Variants in NEK3 observed in about 807,000 individuals in gnomAD.
NEK3 encodes the protein NIMA related kinase 3.
Under a neutral mutation model 66.0 loss-of-function variants are expected in NEK3, and 54 were observed. The observed-to-expected ratio is 0.82, with a 90% CI of 0.66 to 1.03. NEK3 has a LOEUF of 1.03. Ranked by LOEUF, NEK3 falls within the 50% of genes least tolerant of loss-of-function variation. NEK3 has a pLI of 0.00. For synonymous variants in NEK3, 200 were observed against 206.2 expected, an observed-to-expected ratio of 0.97 and a Z score of 0.26; for missense variants, 593 against 603.0, an observed-to-expected ratio of 0.98 and a Z score of 0.17.
chr13:52,133,923 T>C (rs1202646334), intron 14 of NEK3, 108 bp from the exon 15 acceptor site: 1 of 1,127,178 alleles, frequency 8.9e-7, no homozygotes, highest in East Asian at 2.6e-5. Context: ...CAATGCCATG[T>C]CCCATAACTC....
intron 5 of NEK3, among the ~76,000 whole-genome samples, chr13:52,152,234 A>G (rs1956353322): frequency 6.6e-6 from 1 of 152,228 alleles, no homozygotes; most frequent in African/African-American, 2.4e-5. Flanking sequence ...TGGTGACTAT[A>G]GTTAATAATA....
chr13:52,151,253 C>T (rs555990479), intron 6 of NEK3, 21 bp from the exon 7 acceptor site: 62 of 1,599,656 alleles, frequency 3.9e-5, no homozygotes, highest in East Asian at 6.7e-5. Context: ...AAAAAGGCAA[C>T]GAATGATTAC....
At chr13:52,146,950 G>C (rs1956300002) in intron 8 of NEK3, among the ~76,000 whole-genome samples, 1 of 152,114 alleles carries the variant, frequency 6.6e-6, no homozygotes, top group Admixed American at 6.5e-5. Flanking sequence ...TGTGCCCAAA[G>C]AACAGAATTT....
chr13:52,140,884 AGG>A, intron 11 of NEK3, 134 bp downstream of exon 11: 1 of 563,100 alleles, frequency 1.8e-6, no homozygotes, highest in Non-Finnish European at 3.0e-6. Context: ...GGCGCAATCT[AGG>A]CTCACTGCAA....
At chr13:52,141,625 A>G (rs1956250814) in intron 10 of NEK3, among the ~76,000 whole-genome samples, 1 of 152,196 alleles carries the variant, frequency 6.6e-6, no homozygotes, top group Admixed American at 6.5e-5. Context: ...ATGATGATGC[A>G]CTGAGAATAC....
intron 4 of NEK3, 89 bp downstream of exon 4, chr13:52,153,806 A>AT (rs1399537680): frequency 1.2e-6 from 1 of 850,290 alleles, no homozygotes; most frequent in African/African-American, 1.7e-5. Flanking sequence ...GTAATTACAG[A>AT]TATCAATGCT....
intron 15 of NEK3, 129 bp downstream of exon 15, chr13:52,133,560 A>G: frequency 1.6e-6 from 2 of 1,240,540 alleles, no homozygotes; most frequent in South Asian, 1.6e-5. Context: ...ATTTATGATG[A>G]AAAGTAATAT....
At chr13:52,135,916 T>A (rs1405768635) in intron 13 of NEK3, 53 bp from the exon 14 acceptor site, 1 of 1,578,200 alleles carries the variant, frequency 6.3e-7, no homozygotes, top group Non-Finnish European at 8.6e-7. Context: ...TTTTTCAGCA[T>A]GTACTTTCCA....
intron 10 of NEK3, 119 bp downstream of exon 10, chr13:52,143,796 T>G (rs1018515892): frequency 1.6e-6 from 1 of 623,358 alleles, no homozygotes; most frequent in Non-Finnish European, 2.8e-6. Flanking sequence ...AAGAAAAGGT[T>G]CATTTGAGGA....
intron 4 of NEK3, among the ~76,000 whole-genome samples, chr13:52,153,345 C>T (rs200502702): frequency 6.6e-6 from 1 of 152,040 alleles, no homozygotes; most frequent in East Asian, 1.9e-4. Context: ...TCATAACATG[C>T]TATAACCTAG....
rs573295625 is a variant in NEK3, at chr13:52,144,731, C to A, written c.764G>T (p.Gly255Val). 1.4e-5 allele frequency: 22 copies of A among 1,613,854 alleles called. No homozygotes were observed. The highest frequency in any genetic ancestry group is 6.7e-5 in the East Asian group (3 of 44,852). Residue 255 changes from glycine (G) to valine (V), a missense_variant, in exon 9 of 16, where the codon GGC becomes GTC. Physicochemically the swap from Gly to Val is moderately radical, Grantham distance 109. Transcript: ENST00000610828. ...CTTCTGGACAAGCCGAGCTACGATG[C>A]CTCGAGAGAGAAGCGTTGTAGCCGA... The part of the protein sequence containing the change: ...RPSATTLLSR[G>V]IVARLVQKCL...
intron 9 of NEK3, among the ~76,000 whole-genome samples, 155 bp downstream of exon 9, chr13:52,144,536 G>A (rs1313281215): frequency 2.0e-5 from 3 of 152,234 alleles, no homozygotes; most frequent in Non-Finnish European, 4.4e-5. Flanking sequence ...TGGGCGGGAA[G>A]AGGAAGGAAA....
chr13:52,152,806 A>T, intron 4 of NEK3, 114 bp from the exon 5 acceptor site: 1 of 611,922 alleles, frequency 1.6e-6, no homozygotes, highest in Non-Finnish European at 2.9e-6. Flanking sequence ...ACGTAATGTG[A>T]GTACAGAACT....
At chr13:52,139,737 A>G (rs1956231956) in intron 11 of NEK3, among the ~76,000 whole-genome samples, 1 of 152,192 alleles carries the variant, frequency 6.6e-6, no homozygotes, top group African/African-American at 2.4e-5. Context: ...CATCTCTACA[A>G]AAAGACAAAA....
chr13:52,159,365 C>G (rs1956424187), intron 1 of NEK3, 178 bp downstream of exon 1: 1 of 152,398 alleles, frequency 6.6e-6, no homozygotes, highest in Non-Finnish European at 1.5e-5. Context: ...CGCCCAGACC[C>G]CAAGGCGGCG....
At chr13:52,151,836 T>C (rs2138209050) in intron 5 of NEK3, among the ~76,000 whole-genome samples, 1 of 152,352 alleles carries the variant, frequency 6.6e-6, no homozygotes, top group South Asian at 2.1e-4. Context: ...AAGACTATAA[T>C]ACCATATTTT....
intron 10 of NEK3, among the ~76,000 whole-genome samples, chr13:52,141,504 G>T (rs1409633243): frequency 6.6e-6 from 1 of 152,142 alleles, no homozygotes; most frequent in Non-Finnish European, 1.5e-5. Context: ...CCAGCAGGAG[G>T]AGTCAGGAGA....
chr13:52,152,562 G>A lies in NEK3; in HGVS notation c.393+47C>T. ...CATGGCATAACACAGTAAAATGACT[G>A]AATTAAGGACTTTTTTTTTTTAAGT... On this transcript the variant is annotated intron_variant, in intron 5 of 15. Transcript: ENST00000610828. 3 of 1,259,528 alleles carry A rather than the reference G, an allele frequency of 2.4e-6. 1 individual carries two copies. The highest frequency in any genetic ancestry group is 1.4e-5 in the South Asian group (1 of 73,910). The allele number at this position is 1,259,528 out of a possible 1,614,324, so 78.0% of individuals were successfully genotyped here.
chr13:52,145,964 A>C (rs1391899653), intron 8 of NEK3, among the ~76,000 whole-genome samples: 3 of 152,184 alleles, frequency 2.0e-5, no homozygotes, highest in Non-Finnish European at 2.9e-5. Flanking sequence ...TTTAAATAAG[A>C]TATTTTATTA....
Sources: allele counts gnomAD v4.1 joint callset (sites outside exome capture counted in the v4.1 genomes callset), GRCh38; gene constraint gnomAD v4.1.1; transcripts MANE v1.5; gene names NCBI Gene and HGNC (gene_info 2026-07-23, HGNC 2026-07-21).